The following CNTN5 variants were observed in gnomAD, a reference collection of about 807,000 sequenced individuals.
The protein encoded by CNTN5 is contactin 5.
In CNTN5, 77 loss-of-function variants were observed where a neutral mutation model predicts 129.1. That is an observed-to-expected ratio of 0.60 (90% CI 0.50 to 0.72). CNTN5 has a LOEUF of 0.72. CNTN5 is among the 30% of genes least tolerant of loss of function. CNTN5 has a pLI of 0.00. For synonymous variants in CNTN5, 509 were observed against 465.6 expected, an observed-to-expected ratio of 1.09 and a Z score of -1.20; for missense variants, 1,478 against 1,328.8, an observed-to-expected ratio of 1.11 and a Z score of -1.75.
intron 1 of CNTN5, among the ~76,000 whole-genome samples, chr11:99,043,094 G>A (rs1445774379): frequency 1.3e-5 from 2 of 152,182 alleles, no homozygotes; most frequent in East Asian, 3.9e-4. Context: ...TAGGAAAGGA[G>A]TTGCAGGAAG....
intron 3 of CNTN5, among the ~76,000 whole-genome samples, chr11:99,785,879 C>T (rs921028700): frequency 1.3e-5 from 2 of 152,106 alleles, no homozygotes; most frequent in Middle Eastern, 3.2e-3. Flanking sequence ...CTATTTATGA[C>T]AAACTCACAG....
rs572891548 is a variant in CNTN5 at position 100,329,086 on chromosome 11, C to T, written c.2731-11377C>T. 9.2e-5 allele frequency among the ~76,000 whole-genome samples: 14 copies of T among 152,180 alleles called. No individual in the cohort carries two copies. The East Asian group carries it at 2.1e-3, about 23-fold the overall frequency. On this transcript the variant is annotated intron_variant, in intron 21 of 24. Coordinates refer to ENST00000524871, the MANE Select transcript of CNTN5 (RefSeq NM_014361.4). ...TAAACTCAGTGCTATTGGAGGGGGGCGTGGTGGGAGTGAGACCAGCCTTTA... is the reference window on the plus strand; with the variant it reads ...TAAACTCAGTGCTATTGGAGGGGGGTGTGGTGGGAGTGAGACCAGCCTTTA...
intron 24 of CNTN5, among the ~76,000 whole-genome samples, chr11:100,354,436 A>T (rs1027890658): frequency 1.1e-4 from 17 of 151,688 alleles, no homozygotes; most frequent in African/African-American, 4.1e-4. Flanking sequence ...CTCATAAAAG[A>T]TCCTCTCCTG....
rs532887387 is a variant in CNTN5 at position 99,568,798 on chromosome 11, A to G, written c.55+12529A>G. Among the ~76,000 whole-genome samples, 19 of 152,356 alleles carry G rather than the reference A, an allele frequency of 1.2e-4. No individual in the cohort carries two copies. In the South Asian group the frequency reaches 3.7e-3, roughly 30 times the overall value. ...TTCTGTTTATTTTAGCTCTTTGAGA[A>G]AAATCCTATTTTGCTAGCCATTAAT... is the stretch of plus-strand genomic sequence containing the variant. On this transcript the variant is annotated intron_variant, in intron 3 of 24. Coordinates refer to ENST00000524871, the MANE Select transcript of CNTN5 (RefSeq NM_014361.4).
intron 2 of CNTN5, among the ~76,000 whole-genome samples, chr11:99,499,769 T>C (rs1946359497): frequency 6.6e-6 from 1 of 152,248 alleles, no homozygotes; most frequent in Admixed American, 6.5e-5. Context: ...ATATTTATAA[T>C]GTTTAATCAA....
intron 8 of CNTN5, among the ~76,000 whole-genome samples, chr11:99,999,719 G>C (rs1055738618): frequency 1.3e-5 from 2 of 152,066 alleles, no homozygotes; most frequent in African/African-American, 4.8e-5. Flanking sequence ...TATGTTTATT[G>C]CAGCACTATT....
chr11:99,215,757 A>T (rs1385683469), intron 1 of CNTN5, among the ~76,000 whole-genome samples: 1 of 152,066 alleles, frequency 6.6e-6, no homozygotes, highest in Non-Finnish European at 1.5e-5. Context: ...TTGCTCTACT[A>T]CTCTCTCAGA....
intron 1 of CNTN5, among the ~76,000 whole-genome samples, chr11:99,290,294 A>G (rs1864115112): frequency 6.6e-6 from 1 of 151,844 alleles, no homozygotes; most frequent in Admixed American, 6.6e-5. Flanking sequence ...TTGAATGCAA[A>G]TACTTGTGCT....
intron 13 of CNTN5, among the ~76,000 whole-genome samples, chr11:100,113,953 A>G (rs1945755356): frequency 6.6e-6 from 1 of 152,012 alleles, no homozygotes; most frequent in Middle Eastern, 3.2e-3. Flanking sequence ...TAAAACTTGA[A>G]TTTTCAAGTA....
chr11:100,351,947 A>G (rs1396536608), intron 24 of CNTN5, among the ~76,000 whole-genome samples: 3 of 151,570 alleles, frequency 2.0e-5, no homozygotes, highest in Non-Finnish European at 4.4e-5. Flanking sequence ...GGAGATAAAT[A>G]CAGTGTAGAA....
intron 16 of CNTN5, among the ~76,000 whole-genome samples, chr11:100,255,224 C>A (rs1171768402): frequency 6.6e-6 from 1 of 152,200 alleles, no homozygotes; most frequent in East Asian, 1.9e-4. Context: ...CTTGTCTATA[C>A]TATCATTATT....
At chr11:100,041,959 G>C (rs947271803) in intron 9 of CNTN5, among the ~76,000 whole-genome samples, 11 of 152,140 alleles carry the variant, frequency 7.2e-5, no homozygotes, top group Non-Finnish European at 1.6e-4. Context: ...AAAGGAGAGA[G>C]ATCTAAAGCT....
intron 2 of CNTN5, among the ~76,000 whole-genome samples, chr11:99,357,705 T>C (rs1282457351): frequency 6.6e-6 from 1 of 152,148 alleles, no homozygotes; most frequent in Non-Finnish European, 1.5e-5. Context: ...AGTGTTATAA[T>C]AAATTTAAGT....
chr11:99,948,184 C>G (rs532563898), intron 7 of CNTN5, among the ~76,000 whole-genome samples: 79 of 152,198 alleles, frequency 5.2e-4, no homozygotes, highest in African/African-American at 1.9e-3. Context: ...ATTATCTGTG[C>G]GACTTTTCAT....
At position 99,957,027 on chromosome 11, in the gene CNTN5, T is replaced by C. The variant is rs765358335; in HGVS notation, c.877+18T>C. ...TAATGATGGTAAGTTGCTTGGCCCG[T>C]TAAAATGGTCAGCCAACTCTAATTT... On this transcript the variant is annotated intron_variant, in intron 8 of 24. Coordinates refer to ENST00000524871, the MANE Select transcript of CNTN5 (RefSeq NM_014361.4). 1 of 1,606,714 alleles carries C rather than the reference T, an allele frequency of 6.2e-7. No homozygotes were observed. Among genetic ancestry groups the C allele is most frequent in the African/African-American group, 1.3e-5 (1 of 74,908 alleles).
chr11:99,707,487 T>TA (rs201866030), intron 3 of CNTN5, among the ~76,000 whole-genome samples: 42 of 151,798 alleles, frequency 2.8e-4, no homozygotes, highest in African/African-American at 8.9e-4. Flanking sequence ...CATTAATTCG[T>TA]AAAAAAATGA....
intron 3 of CNTN5, among the ~76,000 whole-genome samples, chr11:99,662,951 G>A (rs1256982751): frequency 6.6e-6 from 1 of 152,120 alleles, no homozygotes; most frequent in African/African-American, 2.4e-5. Flanking sequence ...TTGATTAAAT[G>A]AACACTGAAT....
intron 3 of CNTN5, among the ~76,000 whole-genome samples, chr11:99,725,284 C>T (rs11221122): frequency 1.3e-5 from 2 of 151,884 alleles, no homozygotes; most frequent in Non-Finnish European, 2.9e-5. Flanking sequence ...TGAAATTATG[C>T]GTAGGTATGG....
At chr11:99,619,842 C>A (rs1245677632) in intron 3 of CNTN5, among the ~76,000 whole-genome samples, 6 of 151,820 alleles carry the variant, frequency 4.0e-5, no homozygotes, top group East Asian at 3.9e-4. Flanking sequence ...CTGGCTAACA[C>A]GCTGAAACCC....
Sources: allele counts gnomAD v4.1 joint callset (sites outside exome capture counted in the v4.1 genomes callset), GRCh38; gene constraint gnomAD v4.1.1; transcripts MANE v1.5; gene names NCBI Gene and HGNC (gene_info 2026-07-23, HGNC 2026-07-21).